Variants in PCDHGA6 observed in about 807,000 individuals in gnomAD.
PCDHGA6 encodes the protein protocadherin gamma-A6.
Under a neutral mutation model 60.6 loss-of-function variants are expected in PCDHGA6, and 41 were observed. The ratio of observed to expected loss-of-function variants is 0.68; its 90% CI spans 0.53 to 0.88. The LOEUF is 0.88. Ranked by LOEUF, PCDHGA6 falls within the 40% of genes least tolerant of loss-of-function variation. PCDHGA6 has a pLI of 0.00. For synonymous variants in PCDHGA6, 594 were observed against 524.4 expected, an observed-to-expected ratio of 1.13 and a Z score of -1.81; for missense variants, 1,312 against 1,203.0, an observed-to-expected ratio of 1.09 and a Z score of -1.34.
chr5:141,404,610 T>C lies in PCDHGA6; in HGVS notation c.2424+28103T>C, dbSNP rs1207198913. ...AATGTGTCATTGAGACTGTTTGTTTTGGACCAGAATGACAATGCCCCAGAA... is the reference window on the plus strand; with the variant it reads ...AATGTGTCATTGAGACTGTTTGTTTCGGACCAGAATGACAATGCCCCAGAA... On this transcript the variant is annotated intron_variant, in intron 1 of 3. Transcript: ENST00000517434. 1 of 1,614,130 alleles carries C rather than the reference T, an allele frequency of 6.2e-7. No homozygotes were observed. Among genetic ancestry groups the C allele is most frequent in the African/African-American group, 1.3e-5 (1 of 75,054 alleles).
chr5:141,506,447 A>G (rs1405495926), intron 3 of PCDHGA6, among the ~76,000 whole-genome samples: 3 of 146,906 alleles, frequency 2.0e-5, no homozygotes, highest in Non-Finnish European at 3.0e-5. Flanking sequence ...TCTGTCTCAA[A>G]AAAAAAAAAA....
intron 1 of PCDHGA6, chr5:141,475,949 G>A: frequency 1.3e-6 from 1 of 758,910 alleles, no homozygotes; most frequent in South Asian, 1.9e-5. Flanking sequence ...TCCCCTTTCT[G>A]CGCCCCGGGA....
chr5:141,481,208 A>G lies in PCDHGA6; in HGVS notation c.2425-13599A>G, dbSNP rs116577118. On this transcript the variant is annotated intron_variant, in intron 1 of 3. Coordinates refer to ENST00000517434, the MANE Select transcript of PCDHGA6 (RefSeq NM_018919.3). ...GCCAGGCCCAATTTTTTTAAAAAACATGGTAAGGTCTCCCAGCCTTAAAGT... is the reference window on the plus strand; with the variant it reads ...GCCAGGCCCAATTTTTTTAAAAAACGTGGTAAGGTCTCCCAGCCTTAAAGT... 3.5e-3 allele frequency among the ~76,000 whole-genome samples: 528 copies of G among 152,350 alleles called. 2 individuals carry two copies. Among genetic ancestry groups the G allele is most frequent in the African/African-American group, 0.012 (490 of 41,572 alleles).
chr5:141,479,562 T>G (rs1176956064), intron 1 of PCDHGA6: 2 of 152,218 alleles, frequency 1.3e-5, no homozygotes, highest in Non-Finnish European at 2.9e-5. Flanking sequence ...TATCCAGTAG[T>G]GGGATGACAT....
intron 1 of PCDHGA6, chr5:141,389,880 T>C: frequency 6.2e-7 from 1 of 1,614,080 alleles, no homozygotes; most frequent in Non-Finnish European, 8.5e-7. Flanking sequence ...CGCCGACAGC[T>C]TGCAGGAGGT....
intron 1 of PCDHGA6, chr5:141,393,499 A>T: frequency 6.2e-7 from 1 of 1,614,008 alleles, no homozygotes; most frequent in South Asian, 1.1e-5. Context: ...GTGCGCATCC[A>T]CGTGACAGTG....
At chr5:141,387,534 G>T in intron 1 of PCDHGA6, among the ~76,000 whole-genome samples, 1 of 152,198 alleles carries the variant, frequency 6.6e-6, no homozygotes, top group East Asian at 1.9e-4. Context: ...ACGTATCCAC[G>T]TAGTTTTTGT....
rs753845173 is a variant in PCDHGA6, at chr5:141,490,873, C to T, written c.2425-3934C>T. On this transcript the variant is annotated intron_variant, in intron 1 of 3. Coordinates refer to ENST00000517434, the MANE Select transcript of PCDHGA6 (RefSeq NM_018919.3). The surrounding 1 kb of genome is among the most constrained non-coding windows in gnomAD (Gnocchi z 5.4). Reference sequence around the variant, plus strand: ...TCGAGACTCCGGCTCTCCCCCATTGCATGCCAACACATCTCTGCATGTGTT... The same window carrying T: ...TCGAGACTCCGGCTCTCCCCCATTGTATGCCAACACATCTCTGCATGTGTT... 5.6e-6 allele frequency: 9 copies of T among 1,613,884 alleles called. No homozygotes were observed. The highest frequency in any genetic ancestry group is 7.6e-6 in the Non-Finnish European group (9 of 1,179,908).
At chr5:141,463,725 C>T (rs1259646105) in intron 1 of PCDHGA6, among the ~76,000 whole-genome samples, 2 of 152,026 alleles carry the variant, frequency 1.3e-5, no homozygotes, top group Non-Finnish European at 1.5e-5. Context: ...GGATTACAGG[C>T]ATGAGCCACC....
intron 1 of PCDHGA6, chr5:141,421,690 C>T: frequency 6.2e-7 from 1 of 1,613,948 alleles, no homozygotes. Context: ...GCGATTTGCT[C>T]TTCCTAATGC....
intron 1 of PCDHGA6, among the ~76,000 whole-genome samples, chr5:141,479,135 G>C (rs1236040845): frequency 6.6e-6 from 1 of 152,126 alleles, no homozygotes; most frequent in East Asian, 1.9e-4. Flanking sequence ...TGTGCACCCT[G>C]CTTACAAAAT....
chr5:141,387,735 T>C lies in PCDHGA6; in HGVS notation c.2424+11228T>C, dbSNP rs966437790. The C allele has an allele frequency of 1.2e-5, 16 of 1,308,452 alleles. No individual in the cohort carries two copies. In the East Asian group the frequency reaches 1.3e-4, roughly 10 times the overall value. 81.1% of individuals were successfully genotyped at this position (1,308,452 alleles called of 1,614,324 possible). ...GCTCAGACTCCCCAGCGCCAGCCTTTACACCGCTTCCTCCTCGGAAAAAGA... is the reference window on the plus strand; with the variant it reads ...GCTCAGACTCCCCAGCGCCAGCCTTCACACCGCTTCCTCCTCGGAAAAAGA... On this transcript the variant is annotated intron_variant, in intron 1 of 3. Transcript: ENST00000517434.
intron 1 of PCDHGA6, among the ~76,000 whole-genome samples, chr5:141,450,467 T>C (rs997813636): frequency 9.2e-5 from 14 of 151,944 alleles, no homozygotes; most frequent in African/African-American, 3.2e-4. Flanking sequence ...ATTTTATATA[T>C]AGAGTTTGTT....
At chr5:141,399,821 C>T in intron 1 of PCDHGA6, 1 of 1,613,210 alleles carries the variant, frequency 6.2e-7, no homozygotes, top group Non-Finnish European at 8.5e-7. Flanking sequence ...GCGCTGGGTC[C>T]CGACGGCTCT....
In PCDHGA6 at chr5:141,401,291, G is replaced by A. The variant is rs565015907; in HGVS notation, c.2424+24784G>A. On this transcript the variant is annotated intron_variant, in intron 1 of 3. Transcript: ENST00000517434. ...TGGCAGGTGGAGGTTGCGGTGAGCC[G>A]AGATCACTCCATTGCATTCCAGCCT... is the stretch of plus-strand genomic sequence containing the variant. Among the ~76,000 whole-genome samples the A allele has an allele frequency of 8.5e-5, 13 of 152,194 alleles. No individual in the cohort carries two copies. The South Asian group carries it at 2.5e-3, about 29-fold the overall frequency.
intron 1 of PCDHGA6, chr5:141,419,335 T>C: frequency 6.2e-7 from 1 of 1,613,886 alleles, no homozygotes; most frequent in Non-Finnish European, 8.5e-7. Context: ...ACTCTCTCAT[T>C]GCCAGCGACC....
At chr5:141,414,570 C>G (rs1253876890) in intron 1 of PCDHGA6, 13 of 1,613,862 alleles carry the variant, frequency 8.1e-6, no homozygotes, top group Non-Finnish European at 1.0e-5. Flanking sequence ...TTACCTATAT[C>G]CCAGAGAACA....
At position 141,433,275 on chromosome 5, in the gene PCDHGA6, C is replaced by G. The variant is rs1173546273; in HGVS notation, c.2424+56768C>G. 1.5e-5 allele frequency: 19 copies of G among 1,229,998 alleles called. No homozygotes were observed. In the East Asian group the frequency reaches 3.6e-4, roughly 23 times the overall value. The allele number at this position is 1,229,998 out of a possible 1,614,324, so 76.2% of individuals were successfully genotyped here. A position where few individuals can be genotyped will look rare whatever the true frequency, so the allele number is the denominator to read the frequency against. On this transcript the variant is annotated intron_variant, in intron 1 of 3. Transcript: ENST00000517434. ...GCGGTACGATCATAGCTCACTGCAG[C>G]CTCAAACTCCTAGGCTCAAGCAATT...
In PCDHGA6 at chr5:141,477,013, T is replaced by A. The variant is rs1285961519; in HGVS notation, c.2425-17794T>A. On this transcript the variant is annotated intron_variant, in intron 1 of 3. Coordinates refer to ENST00000517434, the MANE Select transcript of PCDHGA6 (RefSeq NM_018919.3). This position sits in a 1 kb window ranked among gnomAD's most constrained non-coding sequence, Gnocchi z 4.9. ...TGCGGCAACTATTCGCCTTAGACCT[T>A]GTAACCGGGATGCTGACAATCAAGG... is the stretch of plus-strand genomic sequence containing the variant. 6.2e-7 allele frequency: 1 copy of A among 1,614,204 alleles called. No individual in the cohort carries two copies. The highest frequency in any genetic ancestry group is 2.2e-5 in the East Asian group (1 of 44,878).
Sources: gnomAD v4.1 joint callset for allele counts (sites outside exome capture counted in the v4.1 genomes callset) on GRCh38, gnomAD v4.1.1 for gene constraint, Gnocchi (gnomAD v3.1) non-coding constraint, MANE v1.5 for transcripts, NCBI Gene and HGNC (gene_info 2026-07-23, HGNC 2026-07-21) for gene names.